The following HTR4 variants were observed in gnomAD, a reference collection of about 807,000 sequenced individuals.
HTR4 encodes the protein 5-hydroxytryptamine receptor 4, also known as 5-hydroxytryptamine (serotonin) receptor 4, G protein-coupled.
Under a neutral mutation model 36.8 loss-of-function variants are expected in HTR4, and 16 were observed. The observed-to-expected ratio is 0.43, with a 90% CI of 0.29 to 0.66. The LOEUF (loss-of-function observed/expected upper bound fraction) is 0.66, where lower values mean the gene tolerates loss of function less well. Ranked by LOEUF, HTR4 falls within the 30% of genes least tolerant of loss-of-function variation. The pLI is 0.13. For synonymous variants in HTR4, 189 were observed against 185.1 expected (o/e 1.02, Z -0.17); for missense variants, 438 against 490.9 (o/e 0.89, Z 1.02).
chr5:148,562,778 T>C (rs1312947163), intron 2 of HTR4, among the ~76,000 whole-genome samples: 2 of 152,170 alleles, frequency 1.3e-5, no homozygotes, highest in African/African-American at 4.8e-5. Flanking sequence ...TGGAAGCCAC[T>C]TTTACCAGGT....
At chr5:148,615,344 GC>G (rs1249726052) in intron 2 of HTR4, among the ~76,000 whole-genome samples, 1 of 151,480 alleles carries the variant, frequency 6.6e-6, no homozygotes, top group Non-Finnish European at 1.5e-5. Context: ...GGAATACTAT[GC>G]AGCCATAAAA....
chr5:148,651,404 T>C lies in HTR4; in HGVS notation c.-48+2658A>G, dbSNP rs1754029761. ...TATTTAAAAACTTTGTTGTCAGATG[T>C]TGCTGTACAAGGTTACAGGACTCGT... On this transcript the variant is annotated intron_variant, in intron 1 of 6. Coordinates refer to ENST00000377888, the MANE Select transcript of HTR4 (RefSeq NM_000870.7). Among the ~76,000 whole-genome samples the C allele has an allele frequency of 2.0e-5, 3 of 152,288 alleles. No individual in the cohort carries two copies. In the South Asian group the frequency reaches 6.2e-4, roughly 32 times the overall value.
chr5:148,492,140 C>T (rs556632858), intron 6 of HTR4, among the ~76,000 whole-genome samples: 10 of 152,260 alleles, frequency 6.6e-5, no homozygotes, highest in African/African-American at 1.4e-4. Flanking sequence ...CTTTTTACTG[C>T]GAGCGCTGAT....
At chr5:148,521,000 T>A in intron 5 of HTR4, 3 of 1,367,470 alleles carry the variant, frequency 2.2e-6, no homozygotes, top group Non-Finnish European at 2.0e-6. Flanking sequence ...GGGCTAAGAA[T>A]GCGGTGAAAA....
At chr5:148,555,231 A>C (rs1280384877) in intron 2 of HTR4, among the ~76,000 whole-genome samples, 1 of 152,062 alleles carries the variant, frequency 6.6e-6, no homozygotes, top group Non-Finnish European at 1.5e-5. Context: ...CAACACCACC[A>C]CCACCATAAG....
At chr5:148,614,476 A>T (rs1752579106) in intron 2 of HTR4, among the ~76,000 whole-genome samples, 1 of 152,222 alleles carries the variant, frequency 6.6e-6, no homozygotes, top group African/African-American at 2.4e-5. Flanking sequence ...CTGGCTAGCC[A>T]TATGTAGAAA....
intron 2 of HTR4, among the ~76,000 whole-genome samples, chr5:148,568,431 T>C (rs116832582): frequency 0.031 from 4,728 of 152,230 alleles, 118 homozygotes; most frequent in South Asian, 0.097. Context: ...TATTTATTAC[T>C]TATTTACCAT....
chr5:148,603,726 T>C (rs951930102), intron 2 of HTR4, among the ~76,000 whole-genome samples: 5 of 151,820 alleles, frequency 3.3e-5, no homozygotes, highest in African/African-American at 7.3e-5. Context: ...TGACATAACA[T>C]CAACAAATAA....
At chr5:148,611,982 T>C (rs1414802633) in intron 2 of HTR4, among the ~76,000 whole-genome samples, 2 of 152,028 alleles carry the variant, frequency 1.3e-5, no homozygotes, top group South Asian at 2.1e-4. Context: ...AGCTAACTAT[T>C]CTAAATATAT....
At chr5:148,577,089 A>G (rs1561629857) in intron 2 of HTR4, among the ~76,000 whole-genome samples, 1 of 152,144 alleles carries the variant, frequency 6.6e-6, no homozygotes, top group Non-Finnish European at 1.5e-5. Context: ...CAGAGGTCCA[A>G]TATCCAACAT....
rs1380718327 is a variant in HTR4, at chr5:148,481,949, C to T, written c.*1254G>A. On this transcript the variant is annotated 3_prime_UTR_variant, in exon 7 of 7. Coordinates refer to ENST00000377888, the MANE Select transcript of HTR4 (RefSeq NM_000870.7). ...AAAAGGCAGGCAGGCCATGGCTTCT[C>T]GAGGTAGCAGACGGCTATAGCAGCA... 9.2e-7 allele frequency: 1 copy of T among 1,081,190 alleles called. No individual in the cohort carries two copies. 67.0% of individuals were successfully genotyped at this position (1,081,190 alleles called of 1,614,324 possible). A position where few individuals can be genotyped will look rare whatever the true frequency, so the allele number is the denominator to read the frequency against.
chr5:148,493,829 C>T (rs1466557395), intron 6 of HTR4, among the ~76,000 whole-genome samples: 1 of 152,150 alleles, frequency 6.6e-6, no homozygotes, highest in Admixed American at 6.5e-5. Flanking sequence ...GAAGGTCATC[C>T]TCATTCATCT....
At chr5:148,565,668 G>T (rs924712709) in intron 2 of HTR4, among the ~76,000 whole-genome samples, 1 of 152,046 alleles carries the variant, frequency 6.6e-6, no homozygotes, top group Non-Finnish European at 1.5e-5. Context: ...ACACCTACAC[G>T]CCCTGCCATG....
intron 2 of HTR4, among the ~76,000 whole-genome samples, chr5:148,560,950 T>C (rs936290846): frequency 6.6e-6 from 1 of 152,192 alleles, no homozygotes; most frequent in African/African-American, 2.4e-5. Flanking sequence ...ATATGTGTTG[T>C]AAAATGTGCT....
intron 2 of HTR4, among the ~76,000 whole-genome samples, chr5:148,608,722 A>C (rs2127277418): frequency 6.6e-6 from 1 of 152,364 alleles, no homozygotes; most frequent in South Asian, 2.1e-4. Context: ...GATTGGAGGG[A>C]GACAAGAGAA....
chr5:148,646,983 C>T (rs1225670700), intron 1 of HTR4, among the ~76,000 whole-genome samples: 1 of 152,196 alleles, frequency 6.6e-6, no homozygotes, highest in Non-Finnish European at 1.5e-5. Flanking sequence ...ACTTATTTAG[C>T]TTCTCAAAGC....
chr5:148,637,041 G>C lies in HTR4; in HGVS notation c.-27C>G. On this transcript the variant is annotated 5_prime_UTR_variant, in exon 2 of 7. In the 5' UTR this introduces an upstream ATG that the reference lacks. Transcript: ENST00000377888. ...ACAGGAAATAAGCATGAGTGAGTTGGATTTCAATGCCCACAGGGTCCTAAA... is the reference window on the plus strand; with the variant it reads ...ACAGGAAATAAGCATGAGTGAGTTGCATTTCAATGCCCACAGGGTCCTAAA... 1 of 1,609,626 alleles carries C rather than the reference G, an allele frequency of 6.2e-7. No individual in the cohort carries two copies. Among genetic ancestry groups the C allele is most frequent in the Non-Finnish European group, 8.5e-7 (1 of 1,176,430 alleles).
intron 4 of HTR4, among the ~76,000 whole-genome samples, chr5:148,539,219 C>T (rs915089314): frequency 6.6e-6 from 1 of 151,948 alleles, no homozygotes; most frequent in Non-Finnish European, 1.5e-5. Flanking sequence ...TATACAAAAG[C>T]CAACTGAAGA....
chr5:148,576,119 A>AACAAACAAAC (rs1197233467), intron 2 of HTR4, among the ~76,000 whole-genome samples: 1 of 135,574 alleles, frequency 7.4e-6, no homozygotes, highest in African/African-American at 2.6e-5. Flanking sequence ...TCAAAAAAAA[A>AACAAACAAAC]AAAAAAAAAA....
Sources: allele counts gnomAD v4.1 joint callset (sites outside exome capture counted in the v4.1 genomes callset), GRCh38; gene constraint gnomAD v4.1.1; transcripts MANE v1.5; gene names NCBI Gene and HGNC (gene_info 2026-07-23, HGNC 2026-07-21).